Variants in RRM2B observed in about 807,000 individuals in gnomAD.
RRM2B encodes ribonucleotide reductase regulatory TP53 inducible subunit M2B, also known as ribonucleoside-diphosphate reductase subunit M2 B.
A neutral mutation model predicts 45.9 loss-of-function variants in RRM2B; 20 were observed. The ratio of observed to expected loss-of-function variants is 0.44; its 90% confidence interval spans 0.31 to 0.63. The LOEUF (loss-of-function observed/expected upper bound fraction) is 0.63, where lower values mean the gene tolerates loss of function less well. RRM2B is among the 30% of genes least tolerant of loss of function. The pLI is 0.09. For synonymous variants in RRM2B, 124 were observed against 132.3 expected (o/e 0.94, Z 0.43); for missense variants, 320 against 414.7 (o/e 0.77, Z 1.98).
rs1810564126 is a variant in RRM2B at position 102,207,463 on chromosome 8, TAAC to T, written c.*667_*669del. On this transcript the variant is annotated 3_prime_UTR_variant, in exon 9 of 9. Transcript: ENST00000251810. ...CCATAAGTAGGCTTCCCAAAGCAAC[TAAC>T]AACTAAATTTTCTTCACTACATACT... 1 of 152,194 alleles carries T rather than the reference TAAC, an allele frequency of 6.6e-6. No individual in the cohort carries two copies. Among genetic ancestry groups the T allele is most frequent in the Non-Finnish European group, 1.5e-5 (1 of 68,034 alleles). 9.4% of individuals were successfully genotyped at this position (152,194 alleles called of 1,614,324 possible).
Position 102,212,879 on chromosome 8 carries a change from G to C in RRM2B, c.800C>G (p.Thr267Arg). 1 of 1,573,172 alleles carries C rather than the reference G, an allele frequency of 6.4e-7. No individual in the cohort carries two copies. Among genetic ancestry groups the C allele is most frequent in the Non-Finnish European group, 8.7e-7 (1 of 1,143,192 alleles). The change falls in exon 8 of 9, where the codon ACA becomes AGA. Residue 267 changes from threonine to arginine, a missense_variant. Around this residue, in one of 3 missense-constraint regions of RRM2B, gnomAD observed 225 missense variants for 289.4 expected, o/e 0.78. Coordinates refer to ENST00000251810, the MANE Select transcript of RRM2B (RefSeq NM_015713.5). The part of the protein sequence containing the change: ...DAVKIEQEFL[T>R]EALPVGLIGM... ...AATGAGGCCAACTGGCAAGGCTTCT[G>C]TTAAAAACTCCTGGGATGAAAACAA...
intron 5 of RRM2B, among the ~76,000 whole-genome samples, chr8:102,222,089 T>A (rs1453700626): frequency 6.6e-6 from 1 of 151,916 alleles, no homozygotes; most frequent in African/African-American, 2.4e-5. Context: ...AATTTTTTTT[T>A]TTTTTTTAGA....
chr8:102,204,634 A>C lies in RRM2B; in HGVS notation c.*3499T>G, dbSNP rs562241501. The C allele has an allele frequency of 6.6e-6, 1 of 152,164 alleles. No individual in the cohort carries two copies. The highest frequency in any genetic ancestry group is 2.1e-4 in the South Asian group (1 of 4,824). 9.4% of individuals were successfully genotyped at this position (152,164 alleles called of 1,614,324 possible). ...ACTAAGCCAAAAAAATAAGAAAACA[A>C]CTAATTTATTTGAAAAAAAAACAAA... On this transcript the variant is annotated 3_prime_UTR_variant, in exon 9 of 9. Coordinates refer to ENST00000251810, the MANE Select transcript of RRM2B (RefSeq NM_015713.5).
intron 6 of RRM2B, among the ~76,000 whole-genome samples, chr8:102,216,507 A>G (rs957409246): frequency 1.3e-5 from 2 of 152,158 alleles, no homozygotes; most frequent in African/African-American, 4.8e-5. Context: ...TATAAATATA[A>G]CAAATGCTAT....
intron 6 of RRM2B, 128 bp from the exon 7 acceptor site, chr8:102,214,286 G>A (rs1421835517): frequency 1.4e-6 from 1 of 702,948 alleles, no homozygotes; most frequent in East Asian, 2.7e-5. Context: ...TGGAAGAGGG[G>A]TTAATAGGAC....
chr8:102,210,566 G>A lies in RRM2B; in HGVS notation c.903+2210C>T, dbSNP rs186189548. 6.4e-3 allele frequency among the ~76,000 whole-genome samples: 970 copies of A among 152,036 alleles called. 6 individuals carry two copies. Among genetic ancestry groups the A allele is most frequent in the Non-Finnish European group, 0.011 (740 of 67,966 alleles). Reference sequence around the variant, plus strand: ...CAACCTCTGCCTCCTGGGTTCAAGCGATTCTCTCGCCTCAGCCTCCCGAGT... The same window carrying A: ...CAACCTCTGCCTCCTGGGTTCAAGCAATTCTCTCGCCTCAGCCTCCCGAGT... On this transcript the variant is annotated intron_variant, in intron 8 of 8. Coordinates refer to ENST00000251810, the MANE Select transcript of RRM2B (RefSeq NM_015713.5).
intron 2 of RRM2B, among the ~76,000 whole-genome samples, chr8:102,227,687 C>G (rs370151045): frequency 6.6e-6 from 1 of 152,168 alleles, no homozygotes. Context: ...AAACAGCATA[C>G]TTTTATTTTT....
chr8:102,234,471 T>C (rs1244606485), intron 1 of RRM2B, among the ~76,000 whole-genome samples: 4 of 152,078 alleles, frequency 2.6e-5, no homozygotes, highest in Non-Finnish European at 2.9e-5. Flanking sequence ...AGAAAGTTCA[T>C]GCATCTTGAA....
At chr8:102,238,697 T>G in intron 1 of RRM2B, 130 bp downstream of exon 1, 2 of 1,557,246 alleles carry the variant, frequency 1.3e-6, no homozygotes, top group Middle Eastern at 1.7e-4. Flanking sequence ...GAAGCCAGGC[T>G]GCGGCGAGGG....
chr8:102,232,335 T>C, intron 1 of RRM2B, 31 bp from the exon 2 acceptor site: 1 of 1,602,910 alleles, frequency 6.2e-7, no homozygotes, highest in Non-Finnish European at 8.5e-7. Context: ...ACACGCCTTT[T>C]ATATAGACAT....
At chr8:102,219,144 A>G in intron 5 of RRM2B, 197 bp from the exon 6 acceptor site, 1 of 597,064 alleles carries the variant, frequency 1.7e-6, no homozygotes, top group Non-Finnish European at 2.9e-6. Context: ...TGCCTCCTTC[A>G]AATCCTCTGT....
Position 102,218,875 on chromosome 8 carries a change from A to C in RRM2B, c.623T>G (p.Leu208Arg). 6.2e-7 allele frequency: 1 copy of C among 1,613,758 alleles called. No individual in the cohort carries two copies. The highest frequency in any genetic ancestry group is 8.5e-7 in the Non-Finnish European group (1 of 1,179,658). Residue 208 changes from leucine to arginine, a missense_variant, in exon 6 of 9, where the codon CTA (leucine) becomes CGA (arginine). This residue lies in a region of RRM2B where 225 missense variants were observed against 289.4 expected (regional missense o/e 0.78). Coordinates refer to ENST00000251810, the MANE Select transcript of RRM2B (RefSeq NM_015713.5). ...TCCTGGCATAAGACCTCTCTTCTTT[A>C]GCCAGAATATAGCAGCAAAAGATCC... ...FSGSFAAIFWLKKRGLMPGLT... is the reference protein window; with the variant it reads ...FSGSFAAIFWRKKRGLMPGLT...
intron 5 of RRM2B, 39 bp from the exon 6 acceptor site, chr8:102,218,986 T>A: frequency 6.3e-7 from 1 of 1,576,874 alleles, no homozygotes; most frequent in Non-Finnish European, 8.7e-7. Context: ...TGAAATATAC[T>A]GCAAACATTT....
Position 102,208,076 on chromosome 8 carries a change from A to T in RRM2B, c.*57T>A. 1.4e-6 allele frequency: 2 copies of T among 1,477,198 alleles called. No individual in the cohort carries two copies. The highest frequency in any genetic ancestry group is 1.9e-6 in the Non-Finnish European group (2 of 1,065,258). 91.5% of individuals were successfully genotyped at this position (1,477,198 alleles called of 1,614,324 possible). A position where few individuals can be genotyped will look rare whatever the true frequency, so the allele number is the denominator to read the frequency against. ...ACTTAAAATTTTTTTTAAGCAGAGG[A>T]AAATAGACTACTATTTACCAATGAC... On this transcript the variant is annotated 3_prime_UTR_variant, in exon 9 of 9. Coordinates refer to ENST00000251810, the MANE Select transcript of RRM2B (RefSeq NM_015713.5).
chr8:102,207,363 TTA>T lies in RRM2B; in HGVS notation c.*768_*769del, dbSNP rs2132538751. 6.6e-6 allele frequency: 1 copy of T among 152,336 alleles called. No individual in the cohort carries two copies. Among genetic ancestry groups the T allele is most frequent in the Non-Finnish European group, 1.5e-5 (1 of 68,028 alleles). The allele number at this position is 152,336 out of a possible 1,614,324, so 9.4% of individuals were successfully genotyped here. On this transcript the variant is annotated 3_prime_UTR_variant, in exon 9 of 9. Transcript: ENST00000251810. Reference sequence around the variant, plus strand: ...ATTCCAGAGCTAAATCTGGCAATAGTTATGTTTTTAATTTCTGAAGAAGAATC... The same window carrying T: ...ATTCCAGAGCTAAATCTGGCAATAGTTGTTTTTAATTTCTGAAGAAGAATC...
At chr8:102,238,683 C>A (rs759571810) in intron 1 of RRM2B, 144 bp downstream of exon 1, 2 of 1,547,946 alleles carry the variant, frequency 1.3e-6, no homozygotes, top group East Asian at 2.4e-5. Flanking sequence ...GCGCTCGCAA[C>A]GACGAAGCCA....
At chr8:102,221,312 G>A (rs569017313) in intron 5 of RRM2B, among the ~76,000 whole-genome samples, 8 of 152,208 alleles carry the variant, frequency 5.3e-5, no homozygotes, top group Non-Finnish European at 8.8e-5. Flanking sequence ...TAGTTGCTAC[G>A]CTGGATCTTA....
intron 1 of RRM2B, 199 bp downstream of exon 1, chr8:102,238,628 C>T (rs1230540579): frequency 1.3e-6 from 2 of 1,533,134 alleles, no homozygotes; most frequent in African/African-American, 2.7e-5. Context: ...GACGCAAACC[C>T]AAAGTCAGCT....
At position 102,218,823 on chromosome 8, in the gene RRM2B, G is replaced by A. The variant is rs763191678; in HGVS notation, c.675C>T (p.Ser225=). 8 of 1,611,064 alleles carry A rather than the reference G, an allele frequency of 5.0e-6. No individual in the cohort carries two copies. The highest frequency in any genetic ancestry group is 6.8e-6 in the Non-Finnish European group (8 of 1,177,640). Residue 225 remains serine (S), a synonymous_variant, in exon 6 of 9, where the codon AGC becomes AGT. Coordinates refer to ENST00000251810, the MANE Select transcript of RRM2B (RefSeq NM_015713.5). ...PGLTFSNELI[S]RDEGLHCDFA... ...ACATTCCATTCCTTACTTCATCTCTGCTGATGAGTTCATTGGAAAAAGTGA... is the reference window on the plus strand; with the variant it reads ...ACATTCCATTCCTTACTTCATCTCTACTGATGAGTTCATTGGAAAAAGTGA...
Sources: allele counts gnomAD v4.1 joint callset (sites outside exome capture counted in the v4.1 genomes callset), GRCh38; gene constraint gnomAD v4.1.1; regional missense constraint gnomAD v4.1.1; transcripts MANE v1.5; gene names NCBI Gene and HGNC (gene_info 2026-07-23, HGNC 2026-07-21).